MTRF1: variants seen among roughly 807,000 people sequenced by gnomAD.
MTRF1 encodes peptide chain release factor 1, mitochondrial.
MTRF1 carries 51 observed loss-of-function variants against 62.9 expected under a neutral mutation model. The ratio of observed to expected loss-of-function variants is 0.81; its 90% confidence interval spans 0.65 to 1.02. The LOEUF (loss-of-function observed/expected upper bound fraction) is 1.02, where lower values mean the gene tolerates loss of function less well. Among genes scored for constraint, MTRF1 ranks in the 50% least tolerant of loss-of-function variants. The pLI is 0.00. For missense variants in MTRF1, 446 were observed against 530.0 expected, an observed-to-expected ratio of 0.84 and a Z score of 1.56; for synonymous variants, 158 against 181.9, an observed-to-expected ratio of 0.87 and a Z score of 1.06.
intron 1 of MTRF1, chr13:41,263,271 A>G: frequency 7.8e-7 from 1 of 1,289,152 alleles, no homozygotes; most frequent in South Asian, 1.2e-5. Flanking sequence ...AAGGTTAACT[A>G]CACCTGAGAA....
chr13:41,305,918 C>G, the MTRF1 span, among the ~76,000 whole-genome samples: 2 of 152,162 alleles, frequency 1.3e-5, no homozygotes, highest in African/African-American at 4.8e-5. Context: ...ATTACCTTAT[C>G]TATTTGTTTA....
At chr13:41,271,094 C>T in the MTRF1 span, among the ~76,000 whole-genome samples, 1 of 149,712 alleles carries the variant, frequency 6.7e-6, no homozygotes, top group Non-Finnish European at 1.5e-5. Context: ...CACACACACC[C>T]CATATAGCTT....
At chr13:41,264,804 A>G, upstream of MTRF1, among the ~76,000 whole-genome samples, 1 of 152,224 alleles carries the variant, frequency 6.6e-6, no homozygotes, top group Non-Finnish European at 1.5e-5. Context: ...CAATTAAGGC[A>G]ATGGCTTTAA....
the MTRF1 span, among the ~76,000 whole-genome samples, chr13:41,283,003 C>T: frequency 6.6e-6 from 1 of 152,186 alleles, no homozygotes; most frequent in South Asian, 2.1e-4. Context: ...ACAATTCTGC[C>T]CACCAAGCTG....
chr13:41,294,194 C>A, the MTRF1 span, among the ~76,000 whole-genome samples: 157 of 152,030 alleles, frequency 1.0e-3, no homozygotes, highest in African/African-American at 3.7e-3. Flanking sequence ...CCAAGGCAGG[C>A]AGATCACGAG....
the MTRF1 span, among the ~76,000 whole-genome samples, chr13:41,299,494 T>C: frequency 1.3e-5 from 2 of 152,186 alleles, no homozygotes; most frequent in Non-Finnish European, 2.9e-5. Flanking sequence ...GAGATCAATT[T>C]TTTTCTAGAT....
intron 5 of MTRF1, among the ~76,000 whole-genome samples, chr13:41,251,517 C>T (rs941379474): frequency 6.6e-6 from 1 of 152,178 alleles, no homozygotes; most frequent in Non-Finnish European, 1.5e-5. Context: ...TCCCCACACA[C>T]CAAGACCTCT....
intron 2 of MTRF1, among the ~76,000 whole-genome samples, chr13:41,259,528 C>A (rs1248887729): frequency 6.6e-6 from 1 of 151,242 alleles, no homozygotes; most frequent in South Asian, 2.1e-4. Flanking sequence ...GGTGAAACCC[C>A]GTCTCTACTG....
chr13:41,250,041 T>G (rs2038868480), intron 5 of MTRF1, among the ~76,000 whole-genome samples: 1 of 152,114 alleles, frequency 6.6e-6, no homozygotes, highest in Admixed American at 6.6e-5. Context: ...AAAGGAAAGG[T>G]TTCCCAATCA....
chr13:41,292,299 C>T, the MTRF1 span, among the ~76,000 whole-genome samples: 5 of 151,914 alleles, frequency 3.3e-5, no homozygotes, highest in African/African-American at 9.7e-5. Flanking sequence ...AAAAATTTGA[C>T]CTTGGCTGGG....
At chr13:41,264,704 A>G (rs9315823), upstream of MTRF1, among the ~76,000 whole-genome samples, 13,801 of 152,248 alleles carry the variant, frequency 0.091, 866 homozygotes, top group African/African-American at 0.17. Context: ...ACAACCTTAA[A>G]ATACTTATTT....
chr13:41,258,405 G>A (rs533664152), intron 2 of MTRF1, among the ~76,000 whole-genome samples: 2 of 151,836 alleles, frequency 1.3e-5, no homozygotes, highest in African/African-American at 2.4e-5. Context: ...AAAAATTTTC[G>A]AAAATTTTCA....
chr13:41,240,244 C>A lies in MTRF1; in HGVS notation c.870+17G>T, dbSNP rs1482208978. 1 of 1,589,146 alleles carries A rather than the reference C, an allele frequency of 6.3e-7. No homozygotes were observed. The highest frequency in any genetic ancestry group is 2.3e-5 in the East Asian group (1 of 44,134). On this transcript the variant is annotated intron_variant, in intron 6 of 9. Coordinates refer to ENST00000379480, the MANE Select transcript of MTRF1 (RefSeq NM_004294.4). Reference sequence around the variant, plus strand: ...GTTGACATGGAGTGAGTTTCCCTTGCCTCCTCCTGAGGTTACCTCATCTGG... The same window carrying A: ...GTTGACATGGAGTGAGTTTCCCTTGACTCCTCCTGAGGTTACCTCATCTGG...
chr13:41,256,087 A>G (rs1001790316), intron 2 of MTRF1, among the ~76,000 whole-genome samples: 2 of 152,208 alleles, frequency 1.3e-5, no homozygotes. Flanking sequence ...AACATTTAAC[A>G]TTTTGCTAGA....
intron 7 of MTRF1, among the ~76,000 whole-genome samples, chr13:41,231,033 C>T (rs866990877): frequency 2.6e-5 from 4 of 152,052 alleles, no homozygotes; most frequent in Non-Finnish European, 5.9e-5. Context: ...GCCCCCACCC[C>T]GCTTTTTTTA....
At chr13:41,233,590 T>C (rs2035974009) in intron 7 of MTRF1, among the ~76,000 whole-genome samples, 1 of 152,148 alleles carries the variant, frequency 6.6e-6, no homozygotes, top group Admixed American at 6.5e-5. Flanking sequence ...TGGTGGCCTG[T>C]GCAAGGCTGC....
At chr13:41,278,998 T>G in the MTRF1 span, among the ~76,000 whole-genome samples, 1 of 151,972 alleles carries the variant, frequency 6.6e-6, no homozygotes, top group African/African-American at 2.4e-5. Context: ...TTATTTTTTA[T>G]TTTTTTTGAG....
chr13:41,270,656 C>A, the MTRF1 span, among the ~76,000 whole-genome samples: 1 of 151,968 alleles, frequency 6.6e-6, no homozygotes, highest in Non-Finnish European at 1.5e-5. Context: ...GTCTGACATG[C>A]TAGAGAAAAA....
At chr13:41,304,080 G>A in the MTRF1 span, among the ~76,000 whole-genome samples, 75 of 152,060 alleles carry the variant, frequency 4.9e-4, no homozygotes, top group African/African-American at 1.6e-3. Flanking sequence ...TTCTTTCTTC[G>A]GTGAGATCCA....
Sources: gnomAD v4.1 joint callset for allele counts (sites outside exome capture counted in the v4.1 genomes callset) on GRCh38, gnomAD v4.1.1 for gene constraint, MANE v1.5 for transcripts, NCBI Gene and HGNC (gene_info 2026-07-23, HGNC 2026-07-21) for gene names.